ITGA4: variants seen among roughly 807,000 people sequenced by gnomAD.
ITGA4 encodes the protein integrin alpha-4.
Under a neutral mutation model 133.6 loss-of-function variants are expected in ITGA4, and 63 were observed. The ratio of observed to expected loss-of-function variants is 0.47; its 90% CI spans 0.38 to 0.58. The LOEUF (loss-of-function observed/expected upper bound fraction) is 0.58, where lower values mean the gene tolerates loss of function less well. Ranked by LOEUF, ITGA4 falls within the 20% of genes least tolerant of loss-of-function variation. ITGA4 has a pLI of 0.00. For synonymous variants in ITGA4, 483 were observed against 438.0 expected (o/e 1.10, Z -1.28); for missense variants, 1,076 against 1,252.7 (o/e 0.86, Z 2.13).
rs191805139 is a variant in ITGA4 at position 181,488,593 on chromosome 2, G to C, written c.1153+2601G>C. ...TTTTTTTTTGAGATGGAGTCTCGCTGTGTCACCCAGGCCAGAGTGCAGTGG... is the reference window on the plus strand; with the variant it reads ...TTTTTTTTTGAGATGGAGTCTCGCTCTGTCACCCAGGCCAGAGTGCAGTGG... On this transcript the variant is annotated intron_variant, in intron 10 of 27. Coordinates refer to ENST00000397033, the MANE Select transcript of ITGA4 (RefSeq NM_000885.6). Among the ~76,000 whole-genome samples the C allele has an allele frequency of 9.3e-5, 14 of 150,994 alleles. No homozygotes were observed. The East Asian group carries it at 2.3e-3, about 25-fold the overall frequency.
At chr2:181,500,509 C>T (rs920598986) in intron 15 of ITGA4, among the ~76,000 whole-genome samples, 6 of 152,132 alleles carry the variant, frequency 3.9e-5, no homozygotes, top group Non-Finnish European at 5.9e-5. Flanking sequence ...GAAAAGAAGA[C>T]GCATAGCGGT....
intron 2 of ITGA4, among the ~76,000 whole-genome samples, chr2:181,461,409 C>G (rs3770137): frequency 0.097 from 14,754 of 151,418 alleles, 877 homozygotes; most frequent in East Asian, 0.22. Flanking sequence ...GGAAAGTGGT[C>G]TCTCTGCCAG....
At chr2:181,482,455 G>C (rs1354914817) in intron 8 of ITGA4, 33 bp downstream of exon 8, 11 of 1,613,418 alleles carry the variant, frequency 6.8e-6, no homozygotes, top group Non-Finnish European at 9.3e-6. Context: ...ATCTCTGTGG[G>C]CTTTTGCGAG....
chr2:181,476,443 C>G (rs950034965), intron 4 of ITGA4, among the ~76,000 whole-genome samples: 1 of 152,122 alleles, frequency 6.6e-6, no homozygotes, highest in East Asian at 1.9e-4. Flanking sequence ...AAATGACTTA[C>G]CAATTTATTG....
At chr2:181,487,073 A>G (rs986518870) in intron 10 of ITGA4, among the ~76,000 whole-genome samples, 2 of 152,238 alleles carry the variant, frequency 1.3e-5, no homozygotes, top group Non-Finnish European at 2.9e-5. Context: ...CTTGTTATAC[A>G]AGTATTACTG....
chr2:181,507,360 C>A (rs1243894812), intron 15 of ITGA4, among the ~76,000 whole-genome samples: 1 of 152,066 alleles, frequency 6.6e-6, no homozygotes, highest in Non-Finnish European at 1.5e-5. Flanking sequence ...CAATTGAATT[C>A]TGTTATAAAT....
At chr2:181,499,183 G>C (rs1686218683) in intron 15 of ITGA4, among the ~76,000 whole-genome samples, 1 of 152,102 alleles carries the variant, frequency 6.6e-6, no homozygotes, top group African/African-American at 2.4e-5. Flanking sequence ...TACGACTCCA[G>C]CGAAGCAGAA....
chr2:181,469,918 G>A (rs1685505589), intron 2 of ITGA4, among the ~76,000 whole-genome samples: 1 of 152,026 alleles, frequency 6.6e-6, no homozygotes, highest in South Asian at 2.1e-4. Context: ...CCTGTCGTGG[G>A]GTGGGGGGAT....
rs774164194 is a variant in ITGA4 at position 181,482,434 on chromosome 2, C to T, written c.903+12C>T. ...TGAAAGGTAAAAAGGTAATATGTCT[C>T]TACCTTTAGTATCTCTGTGGGCTTT... On this transcript the variant is annotated intron_variant, in intron 8 of 27. Coordinates refer to ENST00000397033, the MANE Select transcript of ITGA4 (RefSeq NM_000885.6). 5.0e-6 allele frequency: 8 copies of T among 1,613,194 alleles called. No homozygotes were observed. The highest frequency in any genetic ancestry group is 1.1e-5 in the South Asian group (1 of 91,006).
At chr2:181,508,295 G>T (rs1686434447) in intron 15 of ITGA4, among the ~76,000 whole-genome samples, 1 of 152,014 alleles carries the variant, frequency 6.6e-6, no homozygotes, top group Non-Finnish European at 1.5e-5. Context: ...AAGTTTAAAT[G>T]AATGTTATAC....
In ITGA4 at chr2:181,523,508, T is replaced by C; in HGVS notation, c.2145T>C (p.Tyr715=). 1 of 1,594,162 alleles carries C rather than the reference T, an allele frequency of 6.3e-7. No individual in the cohort carries two copies. The highest frequency in any genetic ancestry group is 1.1e-5 in the South Asian group (1 of 90,644). Reference sequence around the variant, plus strand: ...TACAACTTGACTGCAGTATTGGCTATATATATGTAGATCATCTCTCAAGGG... The same window carrying C: ...TACAACTTGACTGCAGTATTGGCTACATATATGTAGATCATCTCTCAAGGG... ...GVVQLDCSIG[Y]IYVDHLSRID... Residue 715 remains tyrosine, a synonymous_variant, in exon 19 of 28, where the codon TAT becomes TAC. Coordinates refer to ENST00000397033, the MANE Select transcript of ITGA4 (RefSeq NM_000885.6). The surrounding 1 kb of genome is among the most constrained non-coding windows in gnomAD (Gnocchi z 4.2).
chr2:181,535,018 T>A (rs1687029642), intron 27 of ITGA4, 83 bp downstream of exon 27: 1 of 1,399,234 alleles, frequency 7.1e-7, no homozygotes, highest in South Asian at 1.5e-5. Context: ...TTATTAGATT[T>A]AAATATTTCA....
At chr2:181,462,618 T>C (rs932516228) in intron 2 of ITGA4, among the ~76,000 whole-genome samples, 5 of 152,206 alleles carry the variant, frequency 3.3e-5, no homozygotes, top group Admixed American at 2.6e-4. Context: ...AAGGCTGTTA[T>C]ACAATTATGT....
At chr2:181,477,825 A>G (rs1448143200) in intron 4 of ITGA4, among the ~76,000 whole-genome samples, 2 of 152,138 alleles carry the variant, frequency 1.3e-5, no homozygotes, top group Non-Finnish European at 2.9e-5. Flanking sequence ...CATATGGTCC[A>G]GCAATCCCTC....
chr2:181,530,942 C>A (rs1242632399), intron 24 of ITGA4, among the ~76,000 whole-genome samples: 1 of 151,986 alleles, frequency 6.6e-6, no homozygotes, highest in Non-Finnish European at 1.5e-5. Context: ...GCCTGGCCAA[C>A]AGAGTGAAAC....
chr2:181,527,467 A>C (rs148687548), intron 22 of ITGA4, 80 bp downstream of exon 22: 2 of 947,012 alleles, frequency 2.1e-6, no homozygotes, highest in African/African-American at 3.3e-5. Context: ...GACATTGTAC[A>C]CCTATGACGT....
intron 21 of ITGA4, among the ~76,000 whole-genome samples, chr2:181,526,352 C>G (rs1236352453): frequency 6.6e-6 from 1 of 152,126 alleles, no homozygotes; most frequent in Non-Finnish European, 1.5e-5. Context: ...TGGTTACTTT[C>G]CTGTTTCATG....
chr2:181,508,652 C>G (rs759696100), intron 15 of ITGA4, among the ~76,000 whole-genome samples: 1 of 151,806 alleles, frequency 6.6e-6, no homozygotes, highest in Non-Finnish European at 1.5e-5. Context: ...GCTGAAATCA[C>G]GCCACTGCCC....
intron 2 of ITGA4, among the ~76,000 whole-genome samples, chr2:181,465,373 T>C (rs1685386184): frequency 6.6e-6 from 1 of 152,162 alleles, no homozygotes. Context: ...TTTTTAAGCC[T>C]TCCTATCTTC....
Sources: allele counts gnomAD v4.1 joint callset (sites outside exome capture counted in the v4.1 genomes callset), GRCh38; gene constraint gnomAD v4.1.1; non-coding constraint Gnocchi (gnomAD v3.1); transcripts MANE v1.5; gene names NCBI Gene and HGNC (gene_info 2026-07-23, HGNC 2026-07-21).